The following RAPGEF2 variants were observed in gnomAD, a reference collection of about 807,000 sequenced individuals.
RAPGEF2 encodes the protein Rap guanine nucleotide exchange factor 2.
Under a neutral mutation model 186.7 loss-of-function variants are expected in RAPGEF2, and 54 were observed. The ratio of observed to expected loss-of-function variants is 0.29; its 90% CI spans 0.23 to 0.36. RAPGEF2 has a LOEUF of 0.36. RAPGEF2 is among the 10% of genes least tolerant of loss of function. The probability of loss-of-function intolerance (pLI) is 1.00; values close to 1 mark genes in which losing one functional copy is unlikely to be tolerated. For missense variants in RAPGEF2, 1,532 were observed against 2,045.0 expected (o/e 0.75, Z 4.84); for synonymous variants, 712 against 705.9 (o/e 1.01, Z -0.14).
At chr4:159,220,568 G>T (rs1003970290) in intron 4 of RAPGEF2, among the ~76,000 whole-genome samples, 1 of 152,134 alleles carries the variant, frequency 6.6e-6, no homozygotes, top group African/African-American at 2.4e-5. Flanking sequence ...CTTCCAACAC[G>T]CTCTACAGTT....
At chr4:159,180,474 A>G (rs1352430528) in intron 1 of RAPGEF2, among the ~76,000 whole-genome samples, 1 of 152,140 alleles carries the variant, frequency 6.6e-6, no homozygotes, top group Non-Finnish European at 1.5e-5. Flanking sequence ...CTGTAAAGCC[A>G]CCTAACTGCA....
chr4:159,283,224 A>T (rs1042051569), intron 7 of RAPGEF2, among the ~76,000 whole-genome samples: 45 of 151,652 alleles, frequency 3.0e-4, no homozygotes, highest in African/African-American at 1.1e-3. Flanking sequence ...TAAACGTCGA[A>T]TTTTTTTTTC....
rs2111366318 is a variant in RAPGEF2 at position 159,358,686 on chromosome 4, GAGTTT to G, written c.*549_*553del. ...TGTCCTCCTTTTAAAAAAAAAAAAT[GAGTTT>G]AAAGATTTTGTTCAGAGAGTAAATA... On this transcript the variant is annotated 3_prime_UTR_variant, in exon 30 of 30. Transcript: ENST00000691494. 6.7e-6 allele frequency: 1 copy of G among 149,356 alleles called. No individual in the cohort carries two copies. 9.3% of individuals were successfully genotyped at this position (149,356 alleles called of 1,614,324 possible). A position where few individuals can be genotyped will look rare whatever the true frequency, so the allele number is the denominator to read the frequency against.
rs376798306 is a variant in RAPGEF2, at chr4:159,332,442, T to G, written c.1889-9T>G. ...CATTACGTGGTGTTTCTGTTTTCATTTATTTTAGTATTTAAAGAACTTCTA... is the reference window on the plus strand; with the variant it reads ...CATTACGTGGTGTTTCTGTTTTCATGTATTTTAGTATTTAAAGAACTTCTA... On this transcript the variant is annotated splice_polypyrimidine_tract_variant and intron_variant, in intron 16 of 29. Transcript: ENST00000691494. 6.2e-7 allele frequency: 1 copy of G among 1,605,758 alleles called. No homozygotes were observed. Among genetic ancestry groups the G allele is most frequent in the African/African-American group, 1.3e-5 (1 of 74,270 alleles).
At chr4:159,270,271 A>G (rs1188231583) in intron 7 of RAPGEF2, among the ~76,000 whole-genome samples, 1 of 152,118 alleles carries the variant, frequency 6.6e-6, no homozygotes, top group African/African-American at 2.4e-5. Flanking sequence ...TTAAAATTTT[A>G]ATTGTATGTG....
intron 7 of RAPGEF2, among the ~76,000 whole-genome samples, chr4:159,295,897 C>T (rs1761960472): frequency 6.6e-6 from 1 of 151,996 alleles, no homozygotes; most frequent in African/African-American, 2.4e-5. Context: ...TAATGAAGTT[C>T]TCTCTCAATT....
intron 17 of RAPGEF2, among the ~76,000 whole-genome samples, chr4:159,335,877 A>G (rs370944021): frequency 3.3e-5 from 5 of 151,302 alleles, no homozygotes; most frequent in African/African-American, 1.2e-4. Context: ...TGTGCCTGCA[A>G]GATGCTAATA....
intron 1 of RAPGEF2, among the ~76,000 whole-genome samples, chr4:159,152,993 T>G (rs1743727233): frequency 6.6e-6 from 1 of 152,252 alleles, no homozygotes; most frequent in African/African-American, 2.4e-5. Context: ...TGTTGCTGTC[T>G]TATATCTAGT....
intron 11 of RAPGEF2, chr4:159,328,027 T>C (rs538478183): frequency 6.6e-6 from 1 of 152,276 alleles, no homozygotes; most frequent in East Asian, 1.9e-4. Flanking sequence ...TTCCCTTATA[T>C]CTACTTATTC....
chr4:159,277,441 A>C (rs1759062207), intron 7 of RAPGEF2, among the ~76,000 whole-genome samples: 2 of 152,248 alleles, frequency 1.3e-5, no homozygotes, highest in Admixed American at 1.3e-4. Context: ...GTATATACCC[A>C]GTAATGGGAT....
chr4:159,263,466 T>A (rs181381281), intron 7 of RAPGEF2, among the ~76,000 whole-genome samples: 193 of 152,326 alleles, frequency 1.3e-3, no homozygotes, highest in African/African-American at 4.5e-3. Context: ...AAAGAATGAC[T>A]TCTTTCTGCT....
At chr4:159,167,617 A>C (rs1281184404) in intron 1 of RAPGEF2, among the ~76,000 whole-genome samples, 9 of 152,162 alleles carry the variant, frequency 5.9e-5, no homozygotes, top group Non-Finnish European at 1.2e-4. Context: ...TCACTGTCAA[A>C]TTTTAAAAAA....
intron 3 of RAPGEF2, among the ~76,000 whole-genome samples, chr4:159,194,133 C>G (rs1474922364): frequency 6.6e-6 from 1 of 152,152 alleles, no homozygotes; most frequent in Non-Finnish European, 1.5e-5. Flanking sequence ...AAAGATGTGT[C>G]CCGGAGGCTG....
At chr4:159,292,972 A>G (rs1761430645) in intron 7 of RAPGEF2, among the ~76,000 whole-genome samples, 1 of 152,154 alleles carries the variant, frequency 6.6e-6, no homozygotes, top group Non-Finnish European at 1.5e-5. Flanking sequence ...ATTTTTCATA[A>G]TATATTTAAT....
intron 1 of RAPGEF2, among the ~76,000 whole-genome samples, chr4:159,152,091 G>A (rs1380305374): frequency 1.3e-5 from 2 of 152,112 alleles, no homozygotes; most frequent in African/African-American, 4.8e-5. Context: ...TGAGGCTGAG[G>A]CAGGCATACT....
intron 7 of RAPGEF2, among the ~76,000 whole-genome samples, chr4:159,265,774 G>A (rs1261860961): frequency 6.6e-6 from 1 of 152,204 alleles, no homozygotes; most frequent in Non-Finnish European, 1.5e-5. Flanking sequence ...GACTTTTGCA[G>A]TTCTCAAGGC....
intron 3 of RAPGEF2, among the ~76,000 whole-genome samples, chr4:159,207,256 T>G (rs1387273313): frequency 6.6e-6 from 1 of 152,220 alleles, no homozygotes; most frequent in Admixed American, 6.5e-5. Flanking sequence ...TTTCCTGATA[T>G]AAAGAGTCAA....
chr4:159,116,432 A>G (rs1739060358), intron 1 of RAPGEF2, among the ~76,000 whole-genome samples: 1 of 152,214 alleles, frequency 6.6e-6, no homozygotes, highest in Admixed American at 6.5e-5. Context: ...TCAGGAAACA[A>G]CAGATGCTGG....
rs192250425 is a variant in RAPGEF2, at chr4:159,241,451, T to C, written c.525+83T>C. ...GAAAAGATGTTTAAGTTTTCCATTT[T>C]TGACAAATCTTTTCAATTATATATA... On this transcript the variant is annotated intron_variant, in intron 6 of 29. Coordinates refer to ENST00000691494, the MANE Select transcript of RAPGEF2 (RefSeq NM_001394067.2). 277 of 833,290 alleles carry C rather than the reference T, an allele frequency of 3.3e-4. 2 individuals are homozygous for C. Among genetic ancestry groups the C allele is most frequent in the Admixed American group, 3.3e-3 (81 of 24,370 alleles). 51.6% of individuals were successfully genotyped at this position (833,290 alleles called of 1,614,324 possible). A position where few individuals can be genotyped will look rare whatever the true frequency, so the allele number is the denominator to read the frequency against.
Sources: gnomAD v4.1 joint callset for allele counts (sites outside exome capture counted in the v4.1 genomes callset) on GRCh38, gnomAD v4.1.1 for gene constraint, MANE v1.5 for transcripts, NCBI Gene and HGNC (gene_info 2026-07-23, HGNC 2026-07-21) for gene names.